The following GRM7 variants were observed in gnomAD, a reference collection of about 807,000 sequenced individuals.
The protein encoded by GRM7 is metabotropic glutamate receptor 7.
A neutral mutation model predicts 84.5 loss-of-function variants in GRM7; 35 were observed. That is an observed-to-expected ratio of 0.41 (90% CI 0.32 to 0.55). GRM7 has a LOEUF of 0.55. Among genes scored for constraint, GRM7 ranks in the 20% least tolerant of loss-of-function variants. The pLI, the probability that GRM7 is intolerant of heterozygous loss-of-function variation, is 0.19. For missense variants in GRM7, 1,003 were observed against 1,194.6 expected (o/e 0.84, Z 2.36); for synonymous variants, 487 against 455.1 (o/e 1.07, Z -0.89).
At chr3:7,639,923 T>C (rs1575583205) in intron 8 of GRM7, among the ~76,000 whole-genome samples, 1 of 152,340 alleles carries the variant, frequency 6.6e-6, no homozygotes, top group South Asian at 2.1e-4. Context: ...CTGTTTGTGC[T>C]TGAACATCAT....
intron 7 of GRM7, chr3:7,520,053 G>C (rs1700538344): frequency 6.6e-6 from 1 of 152,206 alleles, no homozygotes; most frequent in Non-Finnish European, 1.5e-5. Context: ...GGAAGATACG[G>C]TCCAAGGATT....
At chr3:7,113,101 G>C (rs1177833799) in intron 1 of GRM7, among the ~76,000 whole-genome samples, 1 of 152,036 alleles carries the variant, frequency 6.6e-6, no homozygotes, top group Non-Finnish European at 1.5e-5. Flanking sequence ...TGAACTTTTA[G>C]TAATACCATT....
At chr3:7,354,246 G>C (rs1318950392) in intron 4 of GRM7, among the ~76,000 whole-genome samples, 1 of 152,142 alleles carries the variant, frequency 6.6e-6, no homozygotes. Context: ...ACCAGACACT[G>C]GATCTGAACT....
chr3:7,519,357 G>A (rs1301900262), intron 7 of GRM7, among the ~76,000 whole-genome samples: 2 of 143,986 alleles, frequency 1.4e-5, no homozygotes, highest in Non-Finnish European at 3.1e-5. Context: ...GAGAGACCCT[G>A]TCTAAAAAAA....
intron 4 of GRM7, among the ~76,000 whole-genome samples, chr3:7,324,938 A>T (rs1559236438): frequency 6.6e-6 from 1 of 152,188 alleles, no homozygotes; most frequent in East Asian, 1.9e-4. Context: ...TATATCAGCC[A>T]GGTCCTGCAG....
intron 1 of GRM7, among the ~76,000 whole-genome samples, chr3:6,917,279 GA>G (rs1430913085): frequency 6.6e-6 from 1 of 151,982 alleles, no homozygotes; most frequent in Non-Finnish European, 1.5e-5. Flanking sequence ...TATAGATTGA[GA>G]AAAATAAATG....
At chr3:7,069,561 T>C (rs577874491) in intron 1 of GRM7, among the ~76,000 whole-genome samples, 117 of 152,210 alleles carry the variant, frequency 7.7e-4, no homozygotes, top group African/African-American at 2.5e-3. Context: ...ATGACATCAA[T>C]GTATCCACTT....
intron 7 of GRM7, among the ~76,000 whole-genome samples, chr3:7,532,260 T>C (rs1255223649): frequency 6.6e-6 from 1 of 152,184 alleles, no homozygotes; most frequent in Non-Finnish European, 1.5e-5. Context: ...TCGGGCTTTT[T>C]TTGTTTGGTA....
At chr3:7,579,527 A>G (rs1695141451) in intron 8 of GRM7, among the ~76,000 whole-genome samples, 170 bp downstream of exon 8, 1 of 152,202 alleles carries the variant, frequency 6.6e-6, no homozygotes, top group Non-Finnish European at 1.5e-5. Context: ...CAAGAGTCTA[A>G]AACTGAGCCA....
intron 1 of GRM7, among the ~76,000 whole-genome samples, chr3:6,868,750 A>G (rs1357807750): frequency 2.6e-5 from 4 of 152,170 alleles, no homozygotes; most frequent in African/African-American, 9.7e-5. Flanking sequence ...AGAGCACAGG[A>G]AGTACATCCT....
chr3:7,433,826 G>T (rs563211228), intron 5 of GRM7, among the ~76,000 whole-genome samples: 1 of 152,236 alleles, frequency 6.6e-6, no homozygotes, highest in South Asian at 2.1e-4. Context: ...TGATAAAAAT[G>T]CTCTCATCCT....
chr3:7,299,838 C>T (rs1300485068), intron 3 of GRM7, among the ~76,000 whole-genome samples: 2 of 152,050 alleles, frequency 1.3e-5, no homozygotes, highest in African/African-American at 4.8e-5. Context: ...ATTTGGATTA[C>T]AGTCTATTGA....
intron 9 of GRM7, among the ~76,000 whole-genome samples, chr3:7,709,932 G>T (rs1293470481): frequency 6.6e-6 from 1 of 152,042 alleles, no homozygotes; most frequent in African/African-American, 2.4e-5. Context: ...TGCACATTAG[G>T]CGCCCTCCTG....
At chr3:7,402,557 A>G (rs959713368) in intron 4 of GRM7, among the ~76,000 whole-genome samples, 1 of 152,186 alleles carries the variant, frequency 6.6e-6, no homozygotes, top group African/African-American at 2.4e-5. Flanking sequence ...TATGCCAGAA[A>G]GACATGGAGA....
intron 1 of GRM7, among the ~76,000 whole-genome samples, chr3:7,121,198 G>T (rs1399778916): frequency 6.6e-6 from 1 of 152,058 alleles, no homozygotes; most frequent in Non-Finnish European, 1.5e-5. Flanking sequence ...ATCCTCCTAC[G>T]GCAGATTCCA....
chr3:7,002,203 G>A (rs892322320), intron 1 of GRM7, among the ~76,000 whole-genome samples: 2 of 152,164 alleles, frequency 1.3e-5, no homozygotes, highest in African/African-American at 4.8e-5. Context: ...TAAGGGTATA[G>A]TGGTTAGCTA....
intron 1 of GRM7, among the ~76,000 whole-genome samples, chr3:6,972,670 A>G (rs998107609): frequency 2.6e-4 from 40 of 152,326 alleles, no homozygotes; most frequent in Non-Finnish European, 4.7e-4. Flanking sequence ...TTTAGGACTG[A>G]CAGAGTCTCT....
chr3:7,513,740 G>T lies in GRM7; in HGVS notation c.1515+52018G>T, dbSNP rs560088041. Among the ~76,000 whole-genome samples, 19 of 152,132 alleles carry T rather than the reference G, an allele frequency of 1.2e-4. No individual in the cohort carries two copies. The South Asian group carries it at 1.9e-3, about 15-fold the overall frequency. On this transcript the variant is annotated intron_variant, in intron 7 of 9. Transcript: ENST00000357716. ...CTGTAAATATACATAACTCTGATAT[G>T]CCCATAATAATAAAAATTTTAAAAA... is the stretch of plus-strand genomic sequence containing the variant.
intron 8 of GRM7, among the ~76,000 whole-genome samples, chr3:7,635,076 T>C (rs574853673): frequency 2.5e-3 from 375 of 152,312 alleles, no homozygotes; most frequent in South Asian, 7.0e-3. Flanking sequence ...CATATGGGTA[T>C]TGAGCACTTG....
Sources: allele counts gnomAD v4.1 joint callset (sites outside exome capture counted in the v4.1 genomes callset), GRCh38; gene constraint gnomAD v4.1.1; transcripts MANE v1.5; gene names NCBI Gene and HGNC (gene_info 2026-07-23, HGNC 2026-07-21).